Variants in KCNN2 observed in about 807,000 individuals in gnomAD.
KCNN2 encodes potassium calcium-activated channel subfamily N member 2.
Under a neutral mutation model 55.5 loss-of-function variants are expected in KCNN2, and 24 were observed. The observed-to-expected ratio is 0.43, with a 90% CI of 0.31 to 0.61. The LOEUF (loss-of-function observed/expected upper bound fraction) is 0.61. KCNN2 is among the 20% of genes least tolerant of loss of function. The pLI is 0.08. For synonymous variants in KCNN2, 431 were observed against 336.1 expected (o/e 1.28, Z -3.09); for missense variants, 754 against 853.6 (o/e 0.88, Z 1.45).
rs527308452 is a variant in KCNN2, at chr5:114,271,278, G to A, written c.-185+49713G>A. On this transcript the variant is annotated intron_variant, in intron 2 of 10. Coordinates refer to the KCNN2 transcript ENST00000512097. The stretch of plus-strand genomic sequence containing the variant: ...AGAAAAGTTCTCCAGGTCCCCACCC[G>A]ATTAGCTAGACACAGAGTGCTGATT... Among the ~76,000 whole-genome samples, 8 of 152,136 alleles carry A rather than the reference G, an allele frequency of 5.3e-5. No homozygotes were observed. In the East Asian group the frequency reaches 9.7e-4, roughly 18 times the overall value.
intron 1 of KCNN2, among the ~76,000 whole-genome samples, chr5:114,140,535 C>G (rs72797648): frequency 0.022 from 3,387 of 151,962 alleles, 53 homozygotes; most frequent in Non-Finnish European, 0.031. Context: ...AGCATTTTAC[C>G]ACCTGATATT....
At chr5:114,263,943 A>C (rs1755160378) in intron 2 of KCNN2, among the ~76,000 whole-genome samples, 1 of 152,200 alleles carries the variant, frequency 6.6e-6, no homozygotes, top group African/African-American at 2.4e-5. Context: ...GAGCTGACCC[A>C]AATGCAAGCA....
At chr5:114,230,340 A>C (rs1205900923) in intron 2 of KCNN2, among the ~76,000 whole-genome samples, 1 of 134,898 alleles carries the variant, frequency 7.4e-6, no homozygotes, top group Non-Finnish European at 1.6e-5. Flanking sequence ...TGTGCAGGTT[A>C]GTTACATATG....
intron 1 of KCNN2, among the ~76,000 whole-genome samples, chr5:114,101,400 C>T (rs1473907211): frequency 2.7e-5 from 4 of 148,388 alleles, no homozygotes; most frequent in African/African-American, 1.0e-4. Context: ...GCCAGTGGCA[C>T]CATCTATGGT....
chr5:114,148,531 C>T (rs1021192377), intron 1 of KCNN2, among the ~76,000 whole-genome samples: 2 of 152,086 alleles, frequency 1.3e-5, no homozygotes, highest in Non-Finnish European at 2.9e-5. Flanking sequence ...AGTGAGGGCA[C>T]TGGGACGTGG....
chr5:114,195,819 G>A (rs7726566), intron 1 of KCNN2, among the ~76,000 whole-genome samples: 23,237 of 151,908 alleles, frequency 0.15, 1,896 homozygotes, highest in South Asian at 0.25. Context: ...GATATTAGCC[G>A]TAGGTTTTTT....
chr5:114,172,303 G>C (rs920389884), intron 1 of KCNN2, among the ~76,000 whole-genome samples: 27 of 151,798 alleles, frequency 1.8e-4, no homozygotes, highest in Admixed American at 2.6e-4. Context: ...TAGGAAGATT[G>C]GTTTCATTTC....
chr5:114,386,548 A>G (rs1237855674), intron 2 of KCNN2, among the ~76,000 whole-genome samples: 4 of 152,164 alleles, frequency 2.6e-5, no homozygotes. Flanking sequence ...TTATTTGCCA[A>G]TTTAAAAATC....
intron 1 of KCNN2, among the ~76,000 whole-genome samples, chr5:114,159,131 C>G (rs961369397): frequency 6.6e-6 from 1 of 152,142 alleles, no homozygotes; most frequent in Non-Finnish European, 1.5e-5. Context: ...ATGATATTGG[C>G]TGTGGTTTTG....
chr5:114,113,370 G>T (rs1336865610), intron 1 of KCNN2, among the ~76,000 whole-genome samples: 1 of 151,930 alleles, frequency 6.6e-6, no homozygotes, highest in Non-Finnish European at 1.5e-5. Flanking sequence ...CCAAGCAAAA[G>T]AGCGGTATGT....
intron 2 of KCNN2, among the ~76,000 whole-genome samples, chr5:114,337,805 C>T (rs965859130): frequency 2.6e-5 from 4 of 152,116 alleles, no homozygotes; most frequent in Non-Finnish European, 5.9e-5. Context: ...CTCGTAACTT[C>T]GGTCCAACTA....
intron 2 of KCNN2, among the ~76,000 whole-genome samples, chr5:114,297,740 A>G (rs1018038569): frequency 2.0e-5 from 3 of 152,090 alleles, no homozygotes; most frequent in African/African-American, 7.3e-5. Flanking sequence ...TATAAAGGAT[A>G]TAATATTGAT....
intron 2 of KCNN2, among the ~76,000 whole-genome samples, chr5:114,382,811 C>T (rs538157202): frequency 2.6e-5 from 4 of 152,180 alleles, no homozygotes; most frequent in Non-Finnish European, 5.9e-5. Flanking sequence ...CTGGCCACTC[C>T]AAGGATTAGC....
At chr5:114,434,670 GT>G (rs1156384827) in intron 3 of KCNN2, among the ~76,000 whole-genome samples, 9 of 152,210 alleles carry the variant, frequency 5.9e-5, no homozygotes, top group African/African-American at 2.2e-4. Context: ...CTGTAGTCCG[GT>G]GATTAGTTCT....
chr5:114,065,797 A>G (rs1750432706), intron 1 of KCNN2, among the ~76,000 whole-genome samples: 1 of 151,258 alleles, frequency 6.6e-6, no homozygotes, highest in South Asian at 2.1e-4. Flanking sequence ...AAAAGAAGCA[A>G]GATACCAGTG....
intron 1 of KCNN2, among the ~76,000 whole-genome samples, chr5:114,194,305 A>G (rs1472167331): frequency 6.6e-6 from 1 of 152,064 alleles, no homozygotes; most frequent in Non-Finnish European, 1.5e-5. Context: ...GCATCATTTT[A>G]CATTCCCACC....
At chr5:114,237,278 A>ACACACACC (rs1286803821) in intron 2 of KCNN2, among the ~76,000 whole-genome samples, 5 of 150,940 alleles carry the variant, frequency 3.3e-5, no homozygotes, top group African/African-American at 1.2e-4. Flanking sequence ...ACACACACAC[A>ACACACACC]CACACACACA....
At chr5:114,344,690 A>G (rs1323151839) in intron 2 of KCNN2, among the ~76,000 whole-genome samples, 1 of 152,220 alleles carries the variant, frequency 6.6e-6, no homozygotes, top group Non-Finnish European at 1.5e-5. Flanking sequence ...TGAATAACAA[A>G]AACACTCCTA....
chr5:114,364,062 C>G (rs1246285105), intron 2 of KCNN2, 61 bp downstream of exon 2: 5 of 1,236,274 alleles, frequency 4.0e-6, no homozygotes, highest in Middle Eastern at 1.9e-4. Context: ...TAGAGAAACG[C>G]AAGGCAGCAG....
Sources: gnomAD v4.1 joint callset for allele counts (sites outside exome capture counted in the v4.1 genomes callset) on GRCh38, gnomAD v4.1.1 for gene constraint, MANE v1.5 for transcripts, NCBI Gene and HGNC (gene_info 2026-07-23, HGNC 2026-07-21) for gene names.